Variants in ADGRL2 observed in about 807,000 individuals in gnomAD.
ADGRL2 encodes adhesion G protein-coupled receptor L2.
Under a neutral mutation model 157.4 loss-of-function variants are expected in ADGRL2, and 44 were observed. That is an observed-to-expected ratio of 0.28 (90% CI 0.22 to 0.36). The LOEUF (loss-of-function observed/expected upper bound fraction) is 0.36, where lower values mean the gene tolerates loss of function less well. ADGRL2 is among the 10% of genes least tolerant of loss of function. The pLI is 1.00. For synonymous variants in ADGRL2, 585 were observed against 624.7 expected, an observed-to-expected ratio of 0.94 and a Z score of 0.95; for missense variants, 1,510 against 1,768.9, an observed-to-expected ratio of 0.85 and a Z score of 2.63.
intron 1 of ADGRL2, among the ~76,000 whole-genome samples, chr1:81,427,784 T>C (rs954917069): frequency 1.3e-5 from 2 of 152,162 alleles, no homozygotes; most frequent in Non-Finnish European, 2.9e-5. Context: ...ACAGGAAACC[T>C]TCTTGTTCAG....
At chr1:81,725,866 C>A (rs1359168459) in intron 1 of ADGRL2, among the ~76,000 whole-genome samples, 1 of 152,076 alleles carries the variant, frequency 6.6e-6, no homozygotes, top group Non-Finnish European at 1.5e-5. Context: ...GCCGGTAGTC[C>A]CCGCTAGTTG....
intron 20 of ADGRL2, 150 bp from the exon 21 acceptor site, chr1:81,985,109 T>C (rs1662780067): frequency 2.0e-6 from 1 of 499,638 alleles, no homozygotes; most frequent in Admixed American, 3.7e-5. Context: ...ATAGATATTG[T>C]TAGTTTTAGA....
chr1:81,829,314 C>T (rs2091765390), intron 1 of ADGRL2, among the ~76,000 whole-genome samples: 1 of 152,118 alleles, frequency 6.6e-6, no homozygotes, highest in Non-Finnish European at 1.5e-5. Context: ...ATCTTTAGTA[C>T]TATTAATTAA....
chr1:81,772,764 G>T (rs904028456), intron 2 of ADGRL2, among the ~76,000 whole-genome samples: 1 of 151,752 alleles, frequency 6.6e-6, no homozygotes, highest in African/African-American at 2.4e-5. Flanking sequence ...GTCCTTTTTT[G>T]TTTAGCTTAA....
chr1:81,367,647 G>A (rs544368105), intron 1 of ADGRL2, among the ~76,000 whole-genome samples: 1 of 152,236 alleles, frequency 6.6e-6, no homozygotes, highest in South Asian at 2.1e-4. Flanking sequence ...CTGCCTCCCG[G>A]TTTCAAGCAA....
intron 2 of ADGRL2, among the ~76,000 whole-genome samples, chr1:81,850,452 G>A (rs1355252669): frequency 6.6e-6 from 1 of 151,666 alleles, no homozygotes; most frequent in Non-Finnish European, 1.5e-5. Flanking sequence ...TTTTCACTAA[G>A]TGAAACAAAA....
chr1:81,336,304 C>T (rs1661640586), intron 1 of ADGRL2, among the ~76,000 whole-genome samples: 1 of 152,264 alleles, frequency 6.6e-6, no homozygotes, highest in East Asian at 1.9e-4. Context: ...GATTGTGATA[C>T]TAATCAAGGA....
At chr1:81,703,761 G>A (rs1212745575) in intron 1 of ADGRL2, among the ~76,000 whole-genome samples, 1 of 152,206 alleles carries the variant, frequency 6.6e-6, no homozygotes, top group East Asian at 1.9e-4. Flanking sequence ...CTTGTGCCAA[G>A]GTTAAATGAG....
rs1651644747 is a variant in ADGRL2 at position 81,951,091 on chromosome 1, C to T, written c.1578C>T (p.Thr526=). 2 of 1,613,268 alleles carry T rather than the reference C, an allele frequency of 1.2e-6. No individual in the cohort carries two copies. The highest frequency in any genetic ancestry group is 1.7e-6 in the Non-Finnish European group (2 of 1,179,430). The part of the protein sequence containing the change: ...NPKGPDLSNC[T]SHWVNQLAQK... Reference sequence around the variant, plus strand: ...AGGGCCCCGATCTTAGCAACTGTACCTCACACTGGGTGAATCAGCTGGCTC... The same window carrying T: ...AGGGCCCCGATCTTAGCAACTGTACTTCACACTGGGTGAATCAGCTGGCTC... The change falls in exon 8 of 24, where the codon ACC becomes ACT. Residue 526 remains threonine, a synonymous_variant. Transcript: ENST00000686636.
chr1:81,880,831 G>C (rs2093968904), intron 2 of ADGRL2, among the ~76,000 whole-genome samples: 2 of 152,002 alleles, frequency 1.3e-5, no homozygotes, highest in Non-Finnish European at 2.9e-5. Flanking sequence ...GTTGGATGTT[G>C]TCCTGGGACC....
At chr1:81,774,141 CCTAGCAAATGA>C (rs148673531) in intron 2 of ADGRL2, among the ~76,000 whole-genome samples, 6,647 of 152,188 alleles carry the variant, frequency 0.044, 394 homozygotes, top group African/African-American at 0.15. Context: ...TTATGGCAGC[CCTAGCAAATGA>C]CTACATTAAG....
At chr1:81,918,886 A>AT (rs774754549) in intron 3 of ADGRL2, among the ~76,000 whole-genome samples, 50 of 151,532 alleles carry the variant, frequency 3.3e-4, no homozygotes, top group African/African-American at 5.6e-4. Flanking sequence ...ATTTCTTGTG[A>AT]TTTCTTTTTC....
intron 3 of ADGRL2, among the ~76,000 whole-genome samples, chr1:81,613,970 A>G (rs2081593225): frequency 6.6e-6 from 1 of 152,064 alleles, no homozygotes; most frequent in Non-Finnish European, 1.5e-5. Context: ...ATTTAGTATA[A>G]TCTGTGATTT....
At position 81,968,208 on chromosome 1, in the gene ADGRL2, T is replaced by C. The variant is rs767353549; in HGVS notation, c.2523+9T>C. 1.2e-5 allele frequency: 20 copies of C among 1,608,600 alleles called. No homozygotes were observed. The highest frequency in any genetic ancestry group is 9.3e-6 in the Non-Finnish European group (11 of 1,178,292). ...CCCACAGGGAAATTGCAGTAAGTAT[T>C]TGCACTTCTAATTAGTAGCAGAGAA... is the stretch of plus-strand genomic sequence containing the variant. On this transcript the variant is annotated intron_variant, in intron 14 of 23. Coordinates refer to ENST00000686636, the MANE Select transcript of ADGRL2 (RefSeq NM_001366006.2).
chr1:81,639,682 T>G (rs1032648970), intron 3 of ADGRL2, among the ~76,000 whole-genome samples: 3 of 151,870 alleles, frequency 2.0e-5, no homozygotes, highest in East Asian at 1.9e-4. Flanking sequence ...CATTATGTAA[T>G]GATAAAGGGG....
chr1:81,322,703 A>G (rs1202927466), intron 1 of ADGRL2, among the ~76,000 whole-genome samples: 1 of 152,264 alleles, frequency 6.6e-6, no homozygotes, highest in African/African-American at 2.4e-5. Flanking sequence ...AAAACACGGT[A>G]TATCAAAAAT....
intron 1 of ADGRL2, among the ~76,000 whole-genome samples, chr1:81,443,119 T>G (rs1212408624): frequency 6.6e-6 from 1 of 152,130 alleles, no homozygotes; most frequent in Non-Finnish European, 1.5e-5. Flanking sequence ...ATTCTGCTGT[T>G]TAAAAGTTTA....
intron 1 of ADGRL2, among the ~76,000 whole-genome samples, chr1:81,711,564 A>G (rs2083929509): frequency 6.6e-6 from 1 of 152,000 alleles, no homozygotes; most frequent in Non-Finnish European, 1.5e-5. Context: ...TAAAATTGGT[A>G]TTTTTTTGTT....
intron 2 of ADGRL2, among the ~76,000 whole-genome samples, chr1:81,507,719 A>G (rs1470419738): frequency 2.0e-5 from 3 of 152,202 alleles, no homozygotes; most frequent in African/African-American, 4.8e-5. Flanking sequence ...GATTTCATTG[A>G]CAGGGGCTCC....
Sources: allele counts gnomAD v4.1 joint callset (sites outside exome capture counted in the v4.1 genomes callset), GRCh38; gene constraint gnomAD v4.1.1; transcripts MANE v1.5; gene names NCBI Gene and HGNC (gene_info 2026-07-23, HGNC 2026-07-21).